CBLL1: variants seen among roughly 807,000 people sequenced by gnomAD.
CBLL1 encodes the protein Cbl proto-oncogene like 1.
A neutral mutation model predicts 44.9 loss-of-function variants in CBLL1; 4 were observed. That is an observed-to-expected ratio of 0.09 (90% CI 0.04 to 0.20). CBLL1 has a LOEUF of 0.20. CBLL1 is among the 10% of genes least tolerant of loss of function. The pLI, the probability that CBLL1 is intolerant of heterozygous loss-of-function variation, is 1.00. For missense variants in CBLL1, 569 were observed against 636.7 expected, an observed-to-expected ratio of 0.89 and a Z score of 1.14; for synonymous variants, 235 against 202.2, an observed-to-expected ratio of 1.16 and a Z score of -1.38.
At chr7:107,756,497 A>G (rs1477806455) in intron 5 of CBLL1, among the ~76,000 whole-genome samples, 1 of 152,188 alleles carries the variant, frequency 6.6e-6, no homozygotes. Flanking sequence ...AGAAGAATTA[A>G]GACATTAGAA....
At chr7:107,747,821 A>T (rs1045862586) in intron 1 of CBLL1, among the ~76,000 whole-genome samples, 21 of 152,224 alleles carry the variant, frequency 1.4e-4, no homozygotes, top group African/African-American at 5.1e-4. Context: ...TACTACTTCC[A>T]AATTTGGCTT....
intron 1 of CBLL1, among the ~76,000 whole-genome samples, chr7:107,746,961 G>A (rs1156711682): frequency 6.6e-6 from 1 of 152,184 alleles, no homozygotes; most frequent in Non-Finnish European, 1.5e-5. Flanking sequence ...TGATATGGAA[G>A]TGTTGTGCCT....
intron 2 of CBLL1, chr7:107,749,289 G>T (rs1793162984): frequency 3.4e-6 from 1 of 293,868 alleles, no homozygotes; most frequent in Non-Finnish European, 6.2e-6. Context: ...CAACAGTATT[G>T]CAGAAAGCAT....
chr7:107,744,196 G>A lies in CBLL1; in HGVS notation c.13+20G>A, dbSNP rs1584365771. On this transcript the variant is annotated intron_variant, in intron 1 of 5. Coordinates refer to ENST00000440859, the MANE Select transcript of CBLL1 (RefSeq NM_024814.4). ...ACACTGGTAAGGAGGCGGAGGCAGT[G>A]GGGGTCCCGGTTCCAAGCCCCCTTG... is the stretch of plus-strand genomic sequence containing the variant. The A allele has an allele frequency of 6.5e-7, 1 of 1,545,618 alleles. No homozygotes were observed.
At chr7:107,750,998 G>A (rs1181669078) in intron 2 of CBLL1, among the ~76,000 whole-genome samples, 1 of 149,466 alleles carries the variant, frequency 6.7e-6, no homozygotes, top group African/African-American at 2.5e-5. Flanking sequence ...TTTTTCCCTC[G>A]AAACATTGTC....
At chr7:107,757,959 A>G (rs1447486573) in intron 5 of CBLL1, among the ~76,000 whole-genome samples, 184 bp from the exon 6 acceptor site, 2 of 152,248 alleles carry the variant, frequency 1.3e-5, no homozygotes, top group Non-Finnish European at 2.9e-5. Flanking sequence ...GCCTATCTTA[A>G]TGGCTAACAG....
chr7:107,755,916 G>A lies in CBLL1; in HGVS notation c.440+425G>A, dbSNP rs150866585. Among the ~76,000 whole-genome samples, 85 of 152,104 alleles carry A rather than the reference G, an allele frequency of 5.6e-4. 1 individual carries two copies. In the East Asian group the frequency reaches 0.016, roughly 28 times the overall value. ...GACTGATAATAGTACCTACCTCCTT[G>A]AGGTATTTTTAGGATTAAATGAGGT... On this transcript the variant is annotated intron_variant, in intron 5 of 5. Transcript: ENST00000440859.
intron 2 of CBLL1, chr7:107,752,598 T>C: frequency 7.8e-7 from 1 of 1,288,424 alleles, no homozygotes. Flanking sequence ...GATATATTTG[T>C]CTGCTCAGCT....
intron 4 of CBLL1, among the ~76,000 whole-genome samples, chr7:107,754,653 G>A (rs2115680830): frequency 6.6e-6 from 1 of 152,180 alleles, no homozygotes; most frequent in Non-Finnish European, 1.5e-5. Flanking sequence ...ATCATTTAAT[G>A]TATCCTTCTG....
At chr7:107,749,379 A>G (rs1313439164) in intron 2 of CBLL1, 1 of 163,108 alleles carries the variant, frequency 6.1e-6, no homozygotes, top group East Asian at 1.7e-4. Context: ...TTTTATGTGT[A>G]GTTGCCATTT....
chr7:107,752,448 G>C (rs1379289985), intron 2 of CBLL1: 115 of 299,040 alleles, frequency 3.8e-4, no homozygotes, highest in South Asian at 8.6e-4. Context: ...GTGTCTCTCT[G>C]TGTGTGTGTG....
At position 107,759,190 on chromosome 7, in the gene CBLL1, T is replaced by C. The variant is rs1562867451; in HGVS notation, c.*12T>C. On this transcript the variant is annotated 3_prime_UTR_variant, in exon 6 of 6. Transcript: ENST00000440859. ...CGTATTACCAATGATAATAGTATTT[T>C]GAATGGAAGATATGAGGGGGAAAAA... The C allele has an allele frequency of 1.3e-6, 2 of 1,566,956 alleles. No individual in the cohort carries two copies. The highest frequency in any genetic ancestry group is 1.7e-6 in the Non-Finnish European group (2 of 1,156,344).
Position 107,759,405 on chromosome 7 carries a change from T to C in CBLL1, c.*227T>C. 1 of 396,464 alleles carries C rather than the reference T, an allele frequency of 2.5e-6. No individual in the cohort carries two copies. Among genetic ancestry groups the C allele is most frequent in the Non-Finnish European group, 4.5e-6 (1 of 222,662 alleles). 24.6% of individuals were successfully genotyped at this position (396,464 alleles called of 1,614,324 possible). A position where few individuals can be genotyped will look rare whatever the true frequency, so the allele number is the denominator to read the frequency against. On this transcript the variant is annotated 3_prime_UTR_variant, in exon 6 of 6. Coordinates refer to ENST00000440859, the MANE Select transcript of CBLL1 (RefSeq NM_024814.4). ...AGTTGAGCACAGCTATATTTTAACATCTCTTTGTTCCCCTAGTTTAGTAAA... is the reference window on the plus strand; with the variant it reads ...AGTTGAGCACAGCTATATTTTAACACCTCTTTGTTCCCCTAGTTTAGTAAA...
Position 107,753,983 on chromosome 7 carries a change from G to C in CBLL1, c.366+5G>C. On this transcript the variant is annotated splice_donor_5th_base_variant and intron_variant, in intron 4 of 5. Coordinates refer to ENST00000440859, the MANE Select transcript of CBLL1 (RefSeq NM_024814.4). ...ATTAAAATCTATGGGAGAATGGTAA[G>C]TATAATTAAATATTGTTTTTGTAAG... is the stretch of plus-strand genomic sequence containing the variant. 6.5e-7 allele frequency: 1 copy of C among 1,535,726 alleles called. No individual in the cohort carries two copies. The highest frequency in any genetic ancestry group is 8.9e-7 in the Non-Finnish European group (1 of 1,121,250).
At chr7:107,745,797 A>C (rs1792985551) in intron 1 of CBLL1, among the ~76,000 whole-genome samples, 1 of 152,198 alleles carries the variant, frequency 6.6e-6, no homozygotes, top group Non-Finnish European at 1.5e-5. Context: ...GGTAGGGTCC[A>C]TTATTGAGCT....
intron 2 of CBLL1, among the ~76,000 whole-genome samples, chr7:107,751,406 A>G (rs1191840969): frequency 1.4e-5 from 2 of 139,252 alleles, no homozygotes; most frequent in East Asian, 4.5e-4. Flanking sequence ...CCCTGTATTA[A>G]AAGTATTTTT....
chr7:107,756,461 AT>A (rs922067152), intron 5 of CBLL1, among the ~76,000 whole-genome samples: 2 of 152,198 alleles, frequency 1.3e-5, no homozygotes, highest in Non-Finnish European at 2.9e-5. Context: ...AATTTAAAAA[AT>A]ATTTTGTTTA....
At position 107,758,677 on chromosome 7, in the gene CBLL1, A is replaced by C. The variant is rs760399532; in HGVS notation, c.975A>C (p.Gln325His). The C allele has an allele frequency of 1.2e-6, 2 of 1,614,000 alleles. No homozygotes were observed. Among genetic ancestry groups the C allele is most frequent in the Non-Finnish European group, 1.7e-6 (2 of 1,179,986 alleles). The part of the protein sequence containing the change: ...PAHHHPEYQG[Q>H]PVVSHPHHIM... ...ACCATCATCCTGAATATCAGGGTCA[A>C]CCAGTGGTATCGCACCCTCATCATA... is the stretch of plus-strand genomic sequence containing the variant. Residue 325 changes from glutamine (Q) to histidine (H), a missense_variant, in exon 6 of 6, where the codon CAA becomes CAC. This residue lies in a region of CBLL1 where 228 missense variants were observed against 253.2 expected (regional missense o/e 0.90). Transcript: ENST00000440859. The surrounding 1 kb of genome is among the most constrained non-coding windows in gnomAD (Gnocchi z 4.2).
chr7:107,753,884 C>T lies in CBLL1; in HGVS notation c.283-11C>T, dbSNP rs773092264. On this transcript the variant is annotated splice_polypyrimidine_tract_variant and intron_variant, in intron 3 of 5. Coordinates refer to ENST00000440859, the MANE Select transcript of CBLL1 (RefSeq NM_024814.4). The stretch of plus-strand genomic sequence containing the variant: ...TGTAAGAAGGTAATTTTAATTATAT[C>T]ATTTCAACAGATAAACATCTTAGGT... 7 of 1,531,196 alleles carry T rather than the reference C, an allele frequency of 4.6e-6. No individual in the cohort carries two copies. The highest frequency in any genetic ancestry group is 6.2e-6 in the Non-Finnish European group (7 of 1,120,682). The allele number at this position is 1,531,196 out of a possible 1,614,324, so 94.9% of individuals were successfully genotyped here.
Sources: gnomAD v4.1 joint callset for allele counts (sites outside exome capture counted in the v4.1 genomes callset) on GRCh38, gnomAD v4.1.1 for gene constraint, gnomAD v4.1.1 regional missense constraint, Gnocchi (gnomAD v3.1) non-coding constraint, MANE v1.5 for transcripts, NCBI Gene and HGNC (gene_info 2026-07-23, HGNC 2026-07-21) for gene names.